The following RGS9 variants were observed in gnomAD, a reference collection of about 807,000 sequenced individuals.
The protein encoded by RGS9 is regulator of G protein signaling 9.
Under a neutral mutation model 102.0 loss-of-function variants are expected in RGS9, and 78 were observed. That is an observed-to-expected ratio of 0.76 (90% CI 0.64 to 0.92). The LOEUF (loss-of-function observed/expected upper bound fraction) is 0.92. Ranked by LOEUF, RGS9 falls within the 40% of genes least tolerant of loss-of-function variation. The probability of loss-of-function intolerance (pLI) is 0.00; values close to 1 mark genes in which losing one functional copy is unlikely to be tolerated. For missense variants in RGS9, 833 were observed against 866.1 expected (o/e 0.96, Z 0.48); for synonymous variants, 353 against 318.6 (o/e 1.11, Z -1.15).
At chr17:65,165,173 C>A (rs942488836) in intron 7 of RGS9, among the ~76,000 whole-genome samples, 1 of 152,102 alleles carries the variant, frequency 6.6e-6, no homozygotes, top group Admixed American at 6.5e-5. Context: ...GGACTATGAA[C>A]CCTGACATCT....
At chr17:65,143,502 G>T (rs1910234927) in intron 1 of RGS9, among the ~76,000 whole-genome samples, 1 of 152,148 alleles carries the variant, frequency 6.6e-6, no homozygotes, top group African/African-American at 2.4e-5. Context: ...TTAGCTGGGG[G>T]CCAGGAGTGG....
chr17:65,153,498 GC>G lies in RGS9; in HGVS notation c.135del (p.Ser45ArgfsTer6). On this transcript the variant is annotated frameshift_variant, in exon 2 of 19. Transcript: ENST00000262406. LOFTEE classifies it high-confidence loss of function. ...CAGAACCAGAGGGTCCTGGTCACCA[GC>G]GTTCCTCATGCCATGACAGGTGATG... ...RMQNQRVLVT[S>X]VPHAMTGSDV... 1 of 1,614,112 alleles carries G rather than the reference GC, an allele frequency of 6.2e-7. No individual in the cohort carries two copies. Among genetic ancestry groups the G allele is most frequent in the South Asian group, 1.1e-5 (1 of 91,088 alleles).
intron 10 of RGS9, 75 bp from the exon 11 acceptor site, chr17:65,190,100 G>T: frequency 8.3e-7 from 1 of 1,209,792 alleles, no homozygotes; most frequent in Non-Finnish European, 1.2e-6. Context: ...TGGCTTCTGG[G>T]TTTGGAGGCT....
At chr17:65,182,907 A>G (rs1911941292) in intron 9 of RGS9, among the ~76,000 whole-genome samples, 1 of 152,152 alleles carries the variant, frequency 6.6e-6, no homozygotes, top group Non-Finnish European at 1.5e-5. Context: ...CTGAACAGTG[A>G]ACTGCATTTT....
chr17:65,139,143 T>G, intron 1 of RGS9, among the ~76,000 whole-genome samples: 1 of 10,294 alleles, frequency 9.7e-5, no homozygotes, highest in Non-Finnish European at 4.2e-4. Context: ...CCCCAGGTCC[T>G]CTTCCTCCAC....
chr17:65,189,197 TG>T (rs1243946568), intron 9 of RGS9, 88 bp from the exon 10 acceptor site: 2 of 1,131,964 alleles, frequency 1.8e-6, no homozygotes, highest in Non-Finnish European at 2.7e-6. Context: ...ATTTTTCTCA[TG>T]GGGAAGGATT....
intron 2 of RGS9, among the ~76,000 whole-genome samples, chr17:65,155,557 T>C (rs1910737184): frequency 6.6e-6 from 1 of 152,238 alleles, no homozygotes; most frequent in Non-Finnish European, 1.5e-5. Flanking sequence ...TTTGTTTGTT[T>C]TGAGACAGGG....
chr17:65,152,404 T>C (rs1212047787), intron 1 of RGS9, among the ~76,000 whole-genome samples: 1 of 152,020 alleles, frequency 6.6e-6, no homozygotes, highest in Admixed American at 6.5e-5. Context: ...TTACTTGGAG[T>C]CAAGTGGTCC....
chr17:65,185,447 C>T (rs1427180013), intron 9 of RGS9: 4 of 152,796 alleles, frequency 2.6e-5, no homozygotes, highest in South Asian at 2.1e-4. Context: ...TGCATTTTAA[C>T]GCCTGGAATT....
intron 17 of RGS9, 170 bp downstream of exon 17, chr17:65,210,775 C>G: frequency 8.9e-7 from 1 of 1,126,774 alleles, no homozygotes; most frequent in East Asian, 2.6e-5. Context: ...AGGTTCATCC[C>G]ATACTCCTCT....
chr17:65,177,473 C>A (rs1020271850), intron 8 of RGS9, among the ~76,000 whole-genome samples: 5 of 152,210 alleles, frequency 3.3e-5, no homozygotes, highest in Non-Finnish European at 7.3e-5. Flanking sequence ...TCCACCCACC[C>A]ACGCATCTAC....
intron 15 of RGS9, among the ~76,000 whole-genome samples, chr17:65,206,511 C>G (rs1269625910): frequency 6.6e-6 from 1 of 152,170 alleles, no homozygotes; most frequent in Non-Finnish European, 1.5e-5. Flanking sequence ...AACCCCGTCT[C>G]TACCAAAAAT....
chr17:65,217,748 T>C (rs950332489), intron 17 of RGS9, among the ~76,000 whole-genome samples: 4 of 151,704 alleles, frequency 2.6e-5, no homozygotes, highest in Non-Finnish European at 2.9e-5. Flanking sequence ...TAAAGAATAA[T>C]TGATAAGAGA....
In RGS9 at chr17:65,153,430, G is replaced by A. The variant is rs369684625; in HGVS notation, c.66G>A (p.Ala22=). The part of the protein sequence containing the change: ...PRMAFLQKIE[A]LVKDMQNPET... ...CCTGTTCTGTCTTGCAGATTGAAGC[G>A]CTCGTGAAGGACATGCAGAACCCAG... Residue 22 remains alanine (A), a synonymous_variant, in exon 2 of 19, where the codon GCG becomes GCA. Coordinates refer to ENST00000262406, the MANE Select transcript of RGS9 (RefSeq NM_003835.4). 1.3e-4 allele frequency: 207 copies of A among 1,613,866 alleles called. 1 individual carries two copies. In the Middle Eastern group the frequency reaches 7.8e-3, roughly 60 times the overall value.
At chr17:65,199,488 CTTTTTT>C (rs3034101) in intron 13 of RGS9, among the ~76,000 whole-genome samples, 98 of 108,326 alleles carry the variant, frequency 9.0e-4, no homozygotes, top group Middle Eastern at 6.0e-3. Flanking sequence ...GCTTCTGTTC[CTTTTTT>C]TTTTTTTTTT....
At chr17:65,145,354 G>A (rs1260801265) in intron 1 of RGS9, among the ~76,000 whole-genome samples, 2 of 151,490 alleles carry the variant, frequency 1.3e-5, no homozygotes, top group East Asian at 3.9e-4. Context: ...GTTTCCCAAA[G>A]TGCTGGGATT....
chr17:65,154,727 T>G (rs1910705604), intron 2 of RGS9, among the ~76,000 whole-genome samples: 2 of 152,270 alleles, frequency 1.3e-5, no homozygotes, highest in South Asian at 4.1e-4. Flanking sequence ...AGCATTTTGG[T>G]TAATGTGTTA....
chr17:65,153,572 A>T, intron 2 of RGS9, 54 bp downstream of exon 2: 1 of 1,345,388 alleles, frequency 7.4e-7, no homozygotes, highest in Non-Finnish European at 1.1e-6. Context: ...CAGGCCCAAT[A>T]CGGCCCACCT....
chr17:65,217,812 A>G (rs1428241488), intron 17 of RGS9, among the ~76,000 whole-genome samples: 1 of 152,146 alleles, frequency 6.6e-6, no homozygotes, highest in Non-Finnish European at 1.5e-5. Flanking sequence ...GGTTTTGGAG[A>G]GGAATAGTTT....
Sources: gnomAD v4.1 joint callset for allele counts (sites outside exome capture counted in the v4.1 genomes callset) on GRCh38, gnomAD v4.1.1 for gene constraint, MANE v1.5 for transcripts, NCBI Gene and HGNC (gene_info 2026-07-23, HGNC 2026-07-21) for gene names.